The following ADGRV1 variants were observed in gnomAD, a reference collection of about 807,000 sequenced individuals.
ADGRV1 encodes G-protein coupled receptor 98.
Under a neutral mutation model 596.2 loss-of-function variants are expected in ADGRV1, and 359 were observed. The observed-to-expected ratio is 0.60, with a 90% CI of 0.55 to 0.66. The LOEUF is 0.66. Ranked by LOEUF, ADGRV1 falls within the 30% of genes least tolerant of loss-of-function variation. The pLI is 0.00. For missense variants in ADGRV1, 7,274 were observed against 7,575.6 expected (o/e 0.96, Z 1.48); for synonymous variants, 2,681 against 2,679.2 (o/e 1.00, Z -0.02).
intron 27 of ADGRV1, among the ~76,000 whole-genome samples, chr5:90,683,372 G>A (rs1745194054): frequency 1.3e-5 from 2 of 151,986 alleles, no homozygotes; most frequent in African/African-American, 2.4e-5. Flanking sequence ...CACTGCACTC[G>A]GCATAGTCAC....
intron 88 of ADGRV1, 94 bp from the exon 89 acceptor site, chr5:91,153,127 G>A: frequency 1.0e-6 from 1 of 993,766 alleles, no homozygotes; most frequent in Non-Finnish European, 1.5e-6. Context: ...TCTTTGTACG[G>A]AGAGGCAGAG....
At position 90,692,680 on chromosome 5, in the gene ADGRV1, C is replaced by G. The variant is rs1465151895; in HGVS notation, c.7027C>G (p.Pro2343Ala). ...AGATCGAATTGCAAATATTATTATT[C>G]CTGCCAATGATGATCCTTATGGTAC... ...GLDRIANIII[P>A]ANDDPYGTVA... Residue 2343 changes from proline (P) to alanine (A), a missense_variant, in exon 32 of 90, where the codon CCT becomes GCT. Transcript: ENST00000405460. 1 of 1,611,012 alleles carries G rather than the reference C, an allele frequency of 6.2e-7. No individual in the cohort carries two copies.
intron 83 of ADGRV1, among the ~76,000 whole-genome samples, chr5:90,923,357 C>A (rs1285595257): frequency 6.6e-6 from 1 of 151,840 alleles, no homozygotes; most frequent in Non-Finnish European, 1.5e-5. Flanking sequence ...ATAAAATCCA[C>A]ACAATTTAGA....
chr5:91,043,243 T>A (rs1266326752), intron 85 of ADGRV1, among the ~76,000 whole-genome samples: 1 of 152,202 alleles, frequency 6.6e-6, no homozygotes, highest in East Asian at 1.9e-4. Context: ...TTTGTGTTCA[T>A]CTTCTAAAGG....
intron 69 of ADGRV1, among the ~76,000 whole-genome samples, chr5:90,790,559 G>A (rs1759952727): frequency 6.6e-6 from 1 of 151,874 alleles, no homozygotes; most frequent in African/African-American, 2.4e-5. Context: ...TACTGTGTGT[G>A]GTGTACTACT....
chr5:90,935,434 C>A (rs908184813), intron 83 of ADGRV1, among the ~76,000 whole-genome samples: 1 of 152,198 alleles, frequency 6.6e-6, no homozygotes, highest in African/African-American at 2.4e-5. Context: ...AGCTTCCGCA[C>A]CTCCTAGACC....
chr5:90,692,742 G>A lies in ADGRV1; in HGVS notation c.7089G>A (p.Glu2363=). 6.2e-7 allele frequency: 1 copy of A among 1,607,098 alleles called. No individual in the cohort carries two copies. Among genetic ancestry groups the A allele is most frequent in the Non-Finnish European group, 8.5e-7 (1 of 1,176,834 alleles). Reference sequence around the variant, plus strand: ...CTCAGATGGTTTATCGTGTTCAAGAGCCTCTGGAAAGAAGTTCCTGTGCTA... The same window carrying A: ...CTCAGATGGTTTATCGTGTTCAAGAACCTCTGGAAAGAAGTTCCTGTGCTA... The part of the protein sequence containing the change: ...AFAQMVYRVQ[E]PLERSSCANI... Residue 2363 remains glutamate, a synonymous_variant, in exon 32 of 90, where the codon GAG becomes GAA. Coordinates refer to ENST00000405460, the MANE Select transcript of ADGRV1 (RefSeq NM_032119.4).
intron 77 of ADGRV1, among the ~76,000 whole-genome samples, chr5:90,832,840 A>G (rs1188085183): frequency 6.6e-6 from 1 of 152,218 alleles, no homozygotes; most frequent in African/African-American, 2.4e-5. Context: ...TCCCGGAACC[A>G]TTTATTGAAG....
At chr5:91,046,263 A>T (rs1160232182) in intron 85 of ADGRV1, among the ~76,000 whole-genome samples, 1 of 152,216 alleles carries the variant, frequency 6.6e-6, no homozygotes, top group Non-Finnish European at 1.5e-5. Context: ...CCTGATTTCA[A>T]GCTATGATAT....
chr5:91,019,745 A>G (rs893506722), intron 85 of ADGRV1, among the ~76,000 whole-genome samples: 5 of 152,016 alleles, frequency 3.3e-5, no homozygotes, highest in Non-Finnish European at 5.9e-5. Flanking sequence ...AAATACTGCT[A>G]TCTGAGCACA....
intron 74 of ADGRV1, among the ~76,000 whole-genome samples, chr5:90,813,626 T>A (rs1447662599): frequency 6.6e-6 from 1 of 152,166 alleles, no homozygotes; most frequent in Non-Finnish European, 1.5e-5. Context: ...TACCCTACCA[T>A]AGCTACCACT....
At chr5:91,049,807 A>G (rs1786152497) in intron 85 of ADGRV1, among the ~76,000 whole-genome samples, 1 of 152,222 alleles carries the variant, frequency 6.6e-6, no homozygotes, top group Admixed American at 6.5e-5. Context: ...AAGAATGACA[A>G]TACAGTGCTA....
chr5:90,762,373 A>T (rs2460164), intron 58 of ADGRV1, among the ~76,000 whole-genome samples: 57,066 of 151,894 alleles, frequency 0.38, 11,955 homozygotes, highest in Admixed American at 0.55. Context: ...AAGAACTGAC[A>T]CACAATAGAA....
chr5:91,046,250 T>G (rs1785796153), intron 85 of ADGRV1, among the ~76,000 whole-genome samples: 1 of 152,028 alleles, frequency 6.6e-6, no homozygotes, highest in Non-Finnish European at 1.5e-5. Flanking sequence ...AGGCATCACA[T>G]TACCTGATTT....
intron 65 of ADGRV1, among the ~76,000 whole-genome samples, chr5:90,781,927 T>C (rs957215952): frequency 2.6e-5 from 4 of 152,184 alleles, no homozygotes; most frequent in African/African-American, 9.6e-5. Context: ...ATTCACTTCC[T>C]AATGAATAAT....
chr5:90,619,056 C>G (rs1395012643), intron 3 of ADGRV1, 30 bp from the exon 4 acceptor site: 9 of 1,008,360 alleles, frequency 8.9e-6, no homozygotes, highest in Non-Finnish European at 1.3e-5. Context: ...ATTTTTAATT[C>G]ATTATTTTAT....
intron 83 of ADGRV1, among the ~76,000 whole-genome samples, chr5:90,882,327 T>G (rs1245640411): frequency 6.6e-6 from 1 of 152,222 alleles, no homozygotes; most frequent in African/African-American, 2.4e-5. Flanking sequence ...ATATTGAATA[T>G]TCTGTTGAGA....
At chr5:90,820,559 G>T (rs546665329) in intron 75 of ADGRV1, among the ~76,000 whole-genome samples, 7,035 of 151,846 alleles carry the variant, frequency 0.046, 565 homozygotes, top group African/African-American at 0.16. Context: ...GGTACCGGTT[G>T]TTCCTTTCCA....
chr5:90,687,056 G>A (rs1745761556), intron 29 of ADGRV1, among the ~76,000 whole-genome samples: 1 of 151,832 alleles, frequency 6.6e-6, no homozygotes, highest in Non-Finnish European at 1.5e-5. Flanking sequence ...ACTTTTTGAT[G>A]GGGTTGTTTT....
Sources: allele counts gnomAD v4.1 joint callset (sites outside exome capture counted in the v4.1 genomes callset), GRCh38; gene constraint gnomAD v4.1.1; transcripts MANE v1.5; gene names NCBI Gene and HGNC (gene_info 2026-07-23, HGNC 2026-07-21).